Variants in SLC26A5 observed in about 807,000 individuals in gnomAD.
SLC26A5 encodes solute carrier family 26 member 5.
Under a neutral mutation model 81.0 loss-of-function variants are expected in SLC26A5, and 51 were observed. That is an observed-to-expected ratio of 0.63 (90% CI 0.50 to 0.80). The LOEUF is 0.80. Among genes scored for constraint, SLC26A5 ranks in the 30% least tolerant of loss-of-function variants. The pLI, the probability that SLC26A5 is intolerant of heterozygous loss-of-function variation, is 0.00. For synonymous variants in SLC26A5, 325 were observed against 332.8 expected (o/e 0.98, Z 0.25); for missense variants, 771 against 905.8 (o/e 0.85, Z 1.91).
rs1315253198 is a variant in SLC26A5, at chr7:103,444,776, A to G, written c.-183+1322T>C. 2.6e-5 allele frequency among the ~76,000 whole-genome samples: 4 copies of G among 152,234 alleles called. 1 individual carries two copies. Among genetic ancestry groups the G allele is most frequent in the South Asian group, 4.1e-4 (2 of 4,832 alleles). On this transcript the variant is annotated intron_variant, in intron 1 of 19. Transcript: ENST00000306312. ...CAAGAGTGCACTTAAGATATGAGCT[A>G]TAGCAACCTTACCTAGGCAATTCTT...
At chr7:103,361,370 C>T (rs1489497462) in intron 19 of SLC26A5, among the ~76,000 whole-genome samples, 1 of 149,332 alleles carries the variant, frequency 6.7e-6, no homozygotes. Context: ...ATTAGCTAGG[C>T]ATGGTGGTGC....
intron 15 of SLC26A5, among the ~76,000 whole-genome samples, chr7:103,380,131 C>T (rs1408861382): frequency 6.6e-6 from 1 of 152,136 alleles, no homozygotes; most frequent in African/African-American, 2.4e-5. Context: ...GCCCCACCAT[C>T]TACATTTTAC....
chr7:103,411,956 T>G (rs951452878), intron 5 of SLC26A5, among the ~76,000 whole-genome samples: 8 of 152,182 alleles, frequency 5.3e-5, no homozygotes, highest in Non-Finnish European at 1.0e-4. Context: ...ATAAAAGGGC[T>G]GCAGTTTCCA....
chr7:103,395,220 G>A (rs1476099359), intron 9 of SLC26A5, among the ~76,000 whole-genome samples: 2 of 152,154 alleles, frequency 1.3e-5, no homozygotes, highest in East Asian at 3.9e-4. Flanking sequence ...AGACTCACAG[G>A]GAACTGAAAT....
At chr7:103,380,700 A>G (rs1218571410) in intron 14 of SLC26A5, 151 bp from the exon 15 acceptor site, 13 of 708,020 alleles carry the variant, frequency 1.8e-5, no homozygotes, top group Middle Eastern at 2.3e-4. Flanking sequence ...GGCTCCACAC[A>G]TATCACGTTC....
Position 103,438,421 on chromosome 7 carries a change from C to G in SLC26A5, c.-54+4662G>C, listed in dbSNP as rs188532666. On this transcript the variant is annotated intron_variant, in intron 2 of 19. Transcript: ENST00000306312. The stretch of plus-strand genomic sequence containing the variant: ...TTTTTTTGAGATGGAGTCTCGCTCT[C>G]GACTCACTGCAACCTCTGCCTCCCA... Among the ~76,000 whole-genome samples, 19 of 148,698 alleles carry G rather than the reference C, an allele frequency of 1.3e-4. No homozygotes were observed. In the East Asian group the frequency reaches 3.5e-3, roughly 28 times the overall value.
At chr7:103,432,106 G>A (rs151132083) in intron 2 of SLC26A5, among the ~76,000 whole-genome samples, 294 of 152,086 alleles carry the variant, frequency 1.9e-3, no homozygotes, top group Non-Finnish European at 3.4e-3. Context: ...TGTAGAAACG[G>A]GGTATCACCA....
chr7:103,445,482 A>G (rs899674745), intron 1 of SLC26A5: 2 of 152,218 alleles, frequency 1.3e-5, no homozygotes, highest in African/African-American at 2.4e-5. Flanking sequence ...ATTTCCCGGG[A>G]GGGGGCCAAT....
intron 8 of SLC26A5, among the ~76,000 whole-genome samples, chr7:103,403,333 G>T (rs984720965): frequency 6.6e-6 from 1 of 152,184 alleles, no homozygotes; most frequent in African/African-American, 2.4e-5. Context: ...GTGCTGAGAA[G>T]AATGAATATT....
In SLC26A5 at chr7:103,376,816, C is replaced by T. The variant is rs764693699; in HGVS notation, c.2033G>A (p.Gly678Glu). The T allele has an allele frequency of 1.9e-6, 3 of 1,603,256 alleles. No individual in the cohort carries two copies. In the Admixed American group the frequency reaches 5.0e-5, roughly 27 times the overall value. ...GDVGIYVYLA[G>E]CSAQVVNDLT... ...CTTAGAGGTATACTCACCACTGCAT[C>T]CTGCTAAGTATACATATATACCGAC... The change falls in exon 19 of 20, where the codon GGA becomes GAA. Residue 678 changes from glycine to glutamate, a missense_variant. Physicochemically the swap from Gly to Glu is moderately conservative, Grantham distance 98. Coordinates refer to ENST00000306312, the MANE Select transcript of SLC26A5 (RefSeq NM_198999.3).
chr7:103,399,061 CAG>C (rs1823374269), intron 8 of SLC26A5, among the ~76,000 whole-genome samples: 1 of 151,960 alleles, frequency 6.6e-6, no homozygotes. Context: ...TCAAGACAAA[CAG>C]ATGTATTATA....
At chr7:103,352,989 C>G (rs1819809925) in intron 19 of SLC26A5, 1 of 779,528 alleles carries the variant, frequency 1.3e-6, no homozygotes, top group African/African-American at 1.7e-5. Flanking sequence ...ACCACTCTGT[C>G]TATTTGCAAA....
At chr7:103,364,823 C>T (rs1820605155) in intron 19 of SLC26A5, among the ~76,000 whole-genome samples, 1 of 151,956 alleles carries the variant, frequency 6.6e-6, no homozygotes, top group Non-Finnish European at 1.5e-5. Context: ...AAAAGGGTGA[C>T]ATTTTCTACA....
intron 19 of SLC26A5, among the ~76,000 whole-genome samples, chr7:103,358,087 G>T (rs1156465639): frequency 6.6e-6 from 1 of 152,144 alleles, no homozygotes; most frequent in African/African-American, 2.4e-5. Flanking sequence ...TTGGAAAAGG[G>T]TCAGTTGGGA....
At chr7:103,353,668 T>G (rs62482407) in intron 19 of SLC26A5, among the ~76,000 whole-genome samples, 2,824 of 152,350 alleles carry the variant, frequency 0.019, 57 homozygotes, top group Non-Finnish European at 0.029. Flanking sequence ...TGGATGTGTT[T>G]TATGTATGTA....
chr7:103,427,747 G>A (rs140739490), intron 2 of SLC26A5, among the ~76,000 whole-genome samples: 4 of 152,120 alleles, frequency 2.6e-5, no homozygotes, highest in East Asian at 1.9e-4. Flanking sequence ...GTTGTTCTAC[G>A]TTGTTATGGC....
chr7:103,380,735 A>C (rs1313878757), intron 14 of SLC26A5, among the ~76,000 whole-genome samples, 186 bp from the exon 15 acceptor site: 1 of 151,468 alleles, frequency 6.6e-6, no homozygotes, highest in Non-Finnish European at 1.5e-5. Context: ...AGCCTAATAC[A>C]CCCCACACAC....
chr7:103,418,424 G>A (rs1305804118), intron 4 of SLC26A5, among the ~76,000 whole-genome samples: 2 of 152,130 alleles, frequency 1.3e-5, no homozygotes, highest in Admixed American at 6.5e-5. Flanking sequence ...CTGCAGCTCC[G>A]TCAGTCCAGC....
chr7:103,379,431 G>C (rs1821611501), intron 15 of SLC26A5, 96 bp from the exon 16 acceptor site: 5 of 728,374 alleles, frequency 6.9e-6, no homozygotes, highest in Admixed American at 6.5e-5. Flanking sequence ...GAATGCAGAA[G>C]TTGCTAAGGT....
Sources: allele counts gnomAD v4.1 joint callset (sites outside exome capture counted in the v4.1 genomes callset), GRCh38; gene constraint gnomAD v4.1.1; transcripts MANE v1.5; gene names NCBI Gene and HGNC (gene_info 2026-07-23, HGNC 2026-07-21).